P2RY14: variants seen among roughly 807,000 people sequenced by gnomAD.
The protein encoded by P2RY14 is P2Y purinoceptor 14.
Under a neutral mutation model 0.9 loss-of-function variants are expected in P2RY14, and 2 were observed. That is an observed-to-expected ratio of 2.16 (90% confidence interval 0.88 to 6.79). The LOEUF (loss-of-function observed/expected upper bound fraction) is 6.79, where lower values mean the gene tolerates loss of function less well. P2RY14 is among the 30% of genes most tolerant of loss of function. P2RY14 has a pLI of 0.05. For synonymous variants in P2RY14, 158 were observed against 147.2 expected (o/e 1.07, Z -0.53); for missense variants, 378 against 400.1 (o/e 0.94, Z 0.47).
At chr3:151,219,816 T>C (rs181207662) in intron 1 of P2RY14, among the ~76,000 whole-genome samples, 174 bp from the exon 2 acceptor site, 1 of 152,026 alleles carries the variant, frequency 6.6e-6, no homozygotes, top group East Asian at 1.9e-4. Context: ...ATTATTGATT[T>C]GGTTGCAGCC....
At chr3:151,258,371 G>T (rs966460073) in intron 1 of P2RY14, among the ~76,000 whole-genome samples, 1 of 152,126 alleles carries the variant, frequency 6.6e-6, no homozygotes, top group African/African-American at 2.4e-5. Context: ...TGTGGTCATT[G>T]TGTATAAACC....
At chr3:151,215,856 G>T (rs547586300) in intron 2 of P2RY14, among the ~76,000 whole-genome samples, 5 of 152,244 alleles carry the variant, frequency 3.3e-5, no homozygotes, top group Admixed American at 1.3e-4. Context: ...GGGCCCATCT[G>T]CCTCCTTTTA....
intron 1 of P2RY14, among the ~76,000 whole-genome samples, chr3:151,243,436 G>A (rs550207430): frequency 7.2e-4 from 109 of 152,142 alleles, no homozygotes; most frequent in African/African-American, 2.5e-3. Context: ...AACCCTACAA[G>A]CCAGAAGAGA....
At chr3:151,232,304 C>A (rs1177724042) in intron 1 of P2RY14, among the ~76,000 whole-genome samples, 5 of 152,172 alleles carry the variant, frequency 3.3e-5, no homozygotes, top group Non-Finnish European at 5.9e-5. Flanking sequence ...TTTACCCTCC[C>A]ACCAATGTGT....
intron 1 of P2RY14, among the ~76,000 whole-genome samples, chr3:151,223,817 C>T (rs1010532328): frequency 1.3e-5 from 2 of 152,128 alleles, no homozygotes; most frequent in Non-Finnish European, 2.9e-5. Context: ...AACAAACTTG[C>T]ACATGTAACT....
At chr3:151,241,016 C>T (rs1009267898) in intron 1 of P2RY14, among the ~76,000 whole-genome samples, 13 of 152,046 alleles carry the variant, frequency 8.6e-5, no homozygotes, top group African/African-American at 3.1e-4. Flanking sequence ...CCAAAAACAT[C>T]CAGTGAGATG....
chr3:151,221,657 G>C (rs1453883512), intron 1 of P2RY14, among the ~76,000 whole-genome samples: 1 of 152,234 alleles, frequency 6.6e-6, no homozygotes, highest in Admixed American at 6.5e-5. Flanking sequence ...CGAGTGCACA[G>C]AAGTCAAGAA....
At chr3:151,223,260 G>C (rs946504195) in intron 1 of P2RY14, among the ~76,000 whole-genome samples, 65 of 150,372 alleles carry the variant, frequency 4.3e-4, no homozygotes, top group Admixed American at 6.6e-4. Context: ...AATTAGTTCA[G>C]TCCCTATTGA....
chr3:151,272,147 G>A (rs1337696920), intron 1 of P2RY14, among the ~76,000 whole-genome samples: 3 of 152,190 alleles, frequency 2.0e-5, no homozygotes, highest in Admixed American at 6.5e-5. Context: ...TGTACCACAT[G>A]AGCTTGCAGG....
chr3:151,265,077 C>T (rs1183492441), intron 1 of P2RY14, among the ~76,000 whole-genome samples: 2 of 152,184 alleles, frequency 1.3e-5, no homozygotes, highest in Non-Finnish European at 2.9e-5. Flanking sequence ...GCCATTATGT[C>T]CTGCCTCCAG....
intron 1 of P2RY14, among the ~76,000 whole-genome samples, chr3:151,240,973 G>A (rs1733954194): frequency 6.6e-6 from 1 of 152,188 alleles, no homozygotes; most frequent in Non-Finnish European, 1.5e-5. Context: ...ACAGGGGCAA[G>A]AATAGAAGGC....
chr3:151,270,825 C>T (rs1015918813), intron 1 of P2RY14, among the ~76,000 whole-genome samples: 6 of 152,102 alleles, frequency 3.9e-5, no homozygotes, highest in African/African-American at 9.7e-5. Context: ...CCCTGCCACT[C>T]GATGGGACAA....
chr3:151,268,213 A>C (rs968169023), intron 1 of P2RY14, among the ~76,000 whole-genome samples: 1 of 151,982 alleles, frequency 6.6e-6, no homozygotes, highest in Non-Finnish European at 1.5e-5. Flanking sequence ...TAGGGTATAG[A>C]AAATGTCTCT....
chr3:151,254,086 A>G (rs897675623), intron 1 of P2RY14, among the ~76,000 whole-genome samples: 2 of 151,738 alleles, frequency 1.3e-5, no homozygotes, highest in Non-Finnish European at 2.9e-5. Flanking sequence ...AAAACATATA[A>G]TGAAAAAAAT....
chr3:151,255,403 G>A (rs1030272946), intron 1 of P2RY14, among the ~76,000 whole-genome samples: 1 of 151,746 alleles, frequency 6.6e-6, no homozygotes, highest in Non-Finnish European at 1.5e-5. Context: ...CAGTAGAGTA[G>A]ACGGAAAGTC....
chr3:151,241,809 G>C (rs1016509928), intron 1 of P2RY14: 1 of 154,566 alleles, frequency 6.5e-6, no homozygotes, highest in African/African-American at 2.4e-5. Flanking sequence ...GAACAGCTCC[G>C]GTCTACAGCT....
chr3:151,270,575 A>G (rs1225935616), intron 1 of P2RY14, among the ~76,000 whole-genome samples: 1 of 152,142 alleles, frequency 6.6e-6, no homozygotes, highest in Non-Finnish European at 1.5e-5. Flanking sequence ...CTGCGTGAAT[A>G]TGGATAGTTA....
rs573624854 is a variant in P2RY14 at position 151,213,141 on chromosome 3, A to C, written c.*159T>G. The C allele has an allele frequency of 6.8e-5, 39 of 571,254 alleles. 1 individual carries two copies. In the African/African-American group the frequency reaches 6.9e-4, roughly 10 times the overall value. 35.4% of individuals were successfully genotyped at this position (571,254 alleles called of 1,614,324 possible). A position where few individuals can be genotyped will look rare whatever the true frequency, so the allele number is the denominator to read the frequency against. ...TGGGTATGTTTTCTTTGATGTTACA[A>C]AAAAGCATGGAAACTTATATTTGAA... On this transcript the variant is annotated 3_prime_UTR_variant, in exon 3 of 3. Coordinates refer to ENST00000309170, the MANE Select transcript of P2RY14 (RefSeq NM_014879.4).
chr3:151,238,719 A>G (rs1733433281), intron 1 of P2RY14, among the ~76,000 whole-genome samples: 1 of 152,198 alleles, frequency 6.6e-6, no homozygotes, highest in Non-Finnish European at 1.5e-5. Context: ...AGTTTTACCA[A>G]TTGCTTAATA....
Sources: gnomAD v4.1 joint callset for allele counts (sites outside exome capture counted in the v4.1 genomes callset) on GRCh38, gnomAD v4.1.1 for gene constraint, MANE v1.5 for transcripts, NCBI Gene and HGNC (gene_info 2026-07-23, HGNC 2026-07-21) for gene names.